The following TSPAN15 variants were observed in gnomAD, a reference collection of about 807,000 sequenced individuals.
The protein encoded by TSPAN15 is tetraspanin-15.
Under a neutral mutation model 34.5 loss-of-function variants are expected in TSPAN15, and 20 were observed. The observed-to-expected ratio is 0.58, with a 90% confidence interval of 0.41 to 0.84. The LOEUF is 0.84. Among genes scored for constraint, TSPAN15 ranks in the 40% least tolerant of loss-of-function variants. The pLI is 0.00. For synonymous variants in TSPAN15, 155 were observed against 153.9 expected (o/e 1.01, Z -0.05); for missense variants, 313 against 386.1 (o/e 0.81, Z 1.59).
At chr10:69,513,800 A>C in the TSPAN15 span, among the ~76,000 whole-genome samples, 1 of 152,250 alleles carries the variant, frequency 6.6e-6, no homozygotes, top group Non-Finnish European at 1.5e-5. Flanking sequence ...TTGTACATGC[A>C]TATCCAATTG....
chr10:69,528,191 C>T, the TSPAN15 span, among the ~76,000 whole-genome samples: 1 of 148,344 alleles, frequency 6.7e-6, no homozygotes, highest in African/African-American at 2.4e-5. Flanking sequence ...GGGCAGGCAG[C>T]TTCAGGTGCC....
At chr10:69,472,908 A>G (rs1841535796) in intron 1 of TSPAN15, among the ~76,000 whole-genome samples, 1 of 152,210 alleles carries the variant, frequency 6.6e-6, no homozygotes, top group African/African-American at 2.4e-5. Flanking sequence ...ACATCCTAAC[A>G]CATTTGCATA....
At position 69,451,592 on chromosome 10, in the gene TSPAN15, AG is replaced by A. The variant is rs1840968511; in HGVS notation, c.-1del. ...CCCGTAACCCGCGCGGGGAGCGCCC[AG>A]GATGCCGCGCGGGGACTCGGAGCAG... On this transcript the variant is annotated 5_prime_UTR_variant, in exon 1 of 8. Transcript: ENST00000373290. 2.7e-6 allele frequency: 4 copies of A among 1,488,352 alleles called. No individual in the cohort carries two copies. The East Asian group carries it at 1.1e-4, about 40-fold the overall frequency. The allele number at this position is 1,488,352 out of a possible 1,614,324, so 92.2% of individuals were successfully genotyped here.
chr10:69,490,360 T>C (rs924878074), intron 3 of TSPAN15, among the ~76,000 whole-genome samples: 9 of 152,174 alleles, frequency 5.9e-5, no homozygotes, highest in African/African-American at 1.7e-4. Flanking sequence ...TATAAAATGG[T>C]GTAGTACTTG....
the TSPAN15 span, among the ~76,000 whole-genome samples, chr10:69,517,032 C>T: frequency 6.6e-6 from 1 of 152,186 alleles, no homozygotes; most frequent in Non-Finnish European, 1.5e-5. Flanking sequence ...TAGGCTGTGG[C>T]CAAACCTTTG....
chr10:69,538,168 A>G, the TSPAN15 span, among the ~76,000 whole-genome samples: 15 of 152,340 alleles, frequency 9.8e-5, 1 homozygote, highest in East Asian at 2.3e-3. Context: ...AGTGAGTGTT[A>G]GAGCTTCAAC....
In TSPAN15 at chr10:69,483,616, A is replaced by G. The variant is rs1457494732; in HGVS notation, c.97-75A>G. The stretch of plus-strand genomic sequence containing the variant: ...AAGCCTCCCCCACAGCAGGTACCAC[A>G]GCCCCAGATGACTCTTTGCTGTAGA... On this transcript the variant is annotated intron_variant, in intron 1 of 7. Transcript: ENST00000373290. The G allele has an allele frequency of 3.3e-6, 5 of 1,496,074 alleles. No homozygotes were observed. The African/African-American group carries it at 6.9e-5, about 21-fold the overall frequency. 92.7% of individuals were successfully genotyped at this position (1,496,074 alleles called of 1,614,324 possible). A position where few individuals can be genotyped will look rare whatever the true frequency, so the allele number is the denominator to read the frequency against.
chr10:69,467,597 G>C (rs1274156901), intron 1 of TSPAN15, among the ~76,000 whole-genome samples: 2 of 151,638 alleles, frequency 1.3e-5, no homozygotes, highest in Non-Finnish European at 2.9e-5. Flanking sequence ...CTGGGCAATA[G>C]GGTGAGACCT....
the TSPAN15 span, among the ~76,000 whole-genome samples, chr10:69,540,671 G>C: frequency 6.6e-6 from 1 of 152,274 alleles, no homozygotes; most frequent in African/African-American, 2.4e-5. Flanking sequence ...CTCTATGGAG[G>C]ATATACCCCA....
intron 1 of TSPAN15, among the ~76,000 whole-genome samples, chr10:69,481,577 G>A (rs965285685): frequency 3.9e-5 from 6 of 152,234 alleles, no homozygotes; most frequent in African/African-American, 1.4e-4. Context: ...TTAAGGACAT[G>A]ATGATCAGTA....
At chr10:69,508,234 T>C (rs918307403), downstream of TSPAN15, among the ~76,000 whole-genome samples, 3 of 150,864 alleles carry the variant, frequency 2.0e-5, no homozygotes, top group Non-Finnish European at 4.4e-5. Flanking sequence ...CGAGGTCAGG[T>C]GTTCGAGACC....
chr10:69,519,523 G>A, the TSPAN15 span, among the ~76,000 whole-genome samples: 7 of 152,286 alleles, frequency 4.6e-5, no homozygotes, highest in Admixed American at 2.6e-4. Context: ...AAAGGGAAAA[G>A]GAAATGCGCC....
chr10:69,488,484 A>G (rs1345085101), intron 3 of TSPAN15, among the ~76,000 whole-genome samples: 2 of 152,244 alleles, frequency 1.3e-5, no homozygotes, highest in Non-Finnish European at 2.9e-5. Flanking sequence ...GTATCTACTT[A>G]TGAAAAGTCA....
intron 1 of TSPAN15, among the ~76,000 whole-genome samples, chr10:69,457,924 C>T (rs1009266536): frequency 2.0e-5 from 3 of 152,324 alleles, no homozygotes; most frequent in Admixed American, 6.5e-5. Flanking sequence ...CCTTGCTGCT[C>T]AAGAGCCATA....
Position 69,506,096 on chromosome 10 carries a change from T to A in TSPAN15, c.619-28T>A, listed in dbSNP as rs1304794699. 1 of 1,605,502 alleles carries A rather than the reference T, an allele frequency of 6.2e-7. No individual in the cohort carries two copies. The highest frequency in any genetic ancestry group is 8.5e-7 in the Non-Finnish European group (1 of 1,173,228). On this transcript the variant is annotated intron_variant, in intron 6 of 7. Coordinates refer to ENST00000373290, the MANE Select transcript of TSPAN15 (RefSeq NM_012339.5). This position sits in a 1 kb window ranked among gnomAD's most constrained non-coding sequence, Gnocchi z 4.7. ...GCTCCTGCCAGCCGAGGTCCTCTGC[T>A]GGGCTGACCCAGCTCCTTCCCATGC...
chr10:69,455,290 G>T (rs1208070989), intron 1 of TSPAN15, among the ~76,000 whole-genome samples: 1 of 152,072 alleles, frequency 6.6e-6, no homozygotes, highest in Non-Finnish European at 1.5e-5. Flanking sequence ...GTAGTCAAAG[G>T]ATGTCCTAGG....
At chr10:69,488,604 A>G (rs1841904585) in intron 3 of TSPAN15, among the ~76,000 whole-genome samples, 1 of 152,206 alleles carries the variant, frequency 6.6e-6, no homozygotes, top group Non-Finnish European at 1.5e-5. Context: ...GAGTACAAAG[A>G]GAGGAATTTT....
intron 1 of TSPAN15, among the ~76,000 whole-genome samples, chr10:69,480,501 G>C (rs540573170): frequency 6.6e-6 from 1 of 152,130 alleles, no homozygotes; most frequent in African/African-American, 2.4e-5. Flanking sequence ...CAGTACCCGA[G>C]TCCCTGAATA....
chr10:69,477,035 G>C (rs1045651307), intron 1 of TSPAN15, among the ~76,000 whole-genome samples: 1 of 152,158 alleles, frequency 6.6e-6, no homozygotes, highest in Non-Finnish European at 1.5e-5. Flanking sequence ...CAGGAACCCA[G>C]CTGCCCTGGG....
Sources: gnomAD v4.1 joint callset for allele counts (sites outside exome capture counted in the v4.1 genomes callset) on GRCh38, gnomAD v4.1.1 for gene constraint, Gnocchi (gnomAD v3.1) non-coding constraint, MANE v1.5 for transcripts, NCBI Gene and HGNC (gene_info 2026-07-23, HGNC 2026-07-21) for gene names.